FCSK: variants seen among roughly 807,000 people sequenced by gnomAD.
FCSK encodes L-fucose kinase.
Under a neutral mutation model 122.5 loss-of-function variants are expected in FCSK, and 123 were observed. The observed-to-expected ratio is 1.00, with a 90% CI of 0.87 to 1.17. The LOEUF (loss-of-function observed/expected upper bound fraction) is 1.17. Among genes scored for constraint, FCSK ranks in the 50% most tolerant of loss-of-function variants. The pLI is 0.00. For synonymous variants in FCSK, 620 were observed against 625.5 expected, an observed-to-expected ratio of 0.99 and a Z score of 0.13; for missense variants, 1,366 against 1,450.4, an observed-to-expected ratio of 0.94 and a Z score of 0.95.
At chr16:70,472,067 C>T (rs1244590000) in intron 13 of FCSK, among the ~76,000 whole-genome samples, 1 of 152,020 alleles carries the variant, frequency 6.6e-6, no homozygotes, top group African/African-American at 2.4e-5. Flanking sequence ...CCTCGGCCTC[C>T]CAAAGTGCTG....
At chr16:70,472,832 C>A in intron 14 of FCSK, 151 bp from the exon 15 acceptor site, 3 of 996,722 alleles carry the variant, frequency 3.0e-6, no homozygotes, top group East Asian at 2.7e-5. Flanking sequence ...GGAAAGGATG[C>A]CAGGCAGCCT....
intron 8 of FCSK, 38 bp downstream of exon 8, chr16:70,468,004 C>T: frequency 6.7e-7 from 1 of 1,493,316 alleles, no homozygotes; most frequent in Non-Finnish European, 9.3e-7. Flanking sequence ...GCTTTGGGGA[C>T]CTTATGGGAC....
chr16:70,469,228 C>T lies in FCSK; in HGVS notation c.860C>T (p.Pro287Leu). ...TREDFLVGRPPELGQGDADVA... is the reference protein window; with the variant it reads ...TREDFLVGRPLELGQGDADVA... Reference sequence around the variant, plus strand: ...GAGGACTTCCTGGTGGGGAGGCCCCCAGAGTTGGGGCAAGGCGATGCAGAT... The same window carrying T: ...GAGGACTTCCTGGTGGGGAGGCCCCTAGAGTTGGGGCAAGGCGATGCAGAT... The change falls in exon 10 of 24, where the codon CCA becomes CTA. Residue 287 changes from proline (P) to leucine (L), a missense_variant. Pro to Leu is a moderately conservative substitution (Grantham distance 98, BLOSUM62 -3). Transcript: ENST00000288078. 1.9e-6 allele frequency: 3 copies of T among 1,614,056 alleles called. No individual in the cohort carries two copies. Among genetic ancestry groups the T allele is most frequent in the Non-Finnish European group, 2.5e-6 (3 of 1,179,984 alleles).
In FCSK at chr16:70,463,879, A is replaced by G. The variant is rs560777309; in HGVS notation, c.234+105A>G. 212 of 1,252,986 alleles carry G rather than the reference A, an allele frequency of 1.7e-4. 1 individual carries two copies. Among genetic ancestry groups the G allele is most frequent in the Admixed American group, 9.0e-4 (36 of 39,886 alleles). The allele number at this position is 1,252,986 out of a possible 1,614,324, so 77.6% of individuals were successfully genotyped here. On this transcript the variant is annotated intron_variant, in intron 3 of 23. Transcript: ENST00000288078. ...GCTCCATCGCCTTGGCCAACTCAGC[A>G]TTGGTCTCAGTTTTTGTTTCTGTAA...
chr16:70,455,349 A>C (rs925196333), intron 1 of FCSK, among the ~76,000 whole-genome samples: 7 of 152,162 alleles, frequency 4.6e-5, no homozygotes, highest in African/African-American at 1.4e-4. Flanking sequence ...GCTGGGCGCC[A>C]AGGCTCATGC....
chr16:70,460,540 G>A (rs543220012), intron 1 of FCSK, among the ~76,000 whole-genome samples: 57 of 151,906 alleles, frequency 3.8e-4, no homozygotes, highest in African/African-American at 1.3e-3. Context: ...GAGTAGCTGG[G>A]ACTACAGGCA....
intron 20 of FCSK, 183 bp downstream of exon 20, chr16:70,475,950 A>G (rs936560082): frequency 3.6e-6 from 2 of 556,676 alleles, no homozygotes; most frequent in Non-Finnish European, 5.7e-6. Flanking sequence ...GAAATGTTCT[A>G]CCTCCCAACG....
intron 20 of FCSK, 106 bp from the exon 21 acceptor site, chr16:70,478,166 A>T: frequency 8.9e-7 from 1 of 1,117,372 alleles, no homozygotes; most frequent in Non-Finnish European, 1.3e-6. Context: ...GAGGGAAGCT[A>T]TCTTTCCACA....
In FCSK at chr16:70,473,300, G is replaced by A; in HGVS notation, c.1724G>A (p.Trp575Ter). Reference sequence around the variant, plus strand: ...GACCTCAGCCTGCGCCCGCTGATCTGGGCTGCTGTCCGCGAGGGCTGCCCC... The same window carrying A: ...GACCTCAGCCTGCGCCCGCTGATCTAGGCTGCTGTCCGCGAGGGCTGCCCC... ...RQDLSLRPLI[W>*]AAVREGCPGP... Residue 575 changes from tryptophan (W) to a stop codon, truncating the protein, a stop_gained, in exon 15 of 24, where the codon TGG (tryptophan) becomes TAG (stop). Coordinates refer to ENST00000288078, the MANE Select transcript of FCSK (RefSeq NM_145059.3). LOFTEE classifies it high-confidence loss of function. The surrounding 1 kb of genome is among the most constrained non-coding windows in gnomAD (Gnocchi z 4.9). 9 of 1,525,830 alleles carry A rather than the reference G, an allele frequency of 5.9e-6. No homozygotes were observed. Among genetic ancestry groups the A allele is most frequent in the South Asian group, 1.2e-5 (1 of 83,034 alleles). 94.5% of individuals were successfully genotyped at this position (1,525,830 alleles called of 1,614,324 possible). A position where few individuals can be genotyped will look rare whatever the true frequency, so the allele number is the denominator to read the frequency against.
At chr16:70,470,924 G>A (rs2048592125) in intron 11 of FCSK, 47 bp from the exon 12 acceptor site, 7 of 1,500,294 alleles carry the variant, frequency 4.7e-6, no homozygotes, top group Non-Finnish European at 6.3e-6. Context: ...AGCTGGGGCA[G>A]CCCTGGGCCT....
At position 70,473,406 on chromosome 16, in the gene FCSK, C is replaced by G. The variant is rs1041021553; in HGVS notation, c.1777+53C>G. 1 of 1,450,402 alleles carries G rather than the reference C, an allele frequency of 6.9e-7. No homozygotes were observed. Among genetic ancestry groups the G allele is most frequent in the Non-Finnish European group, 9.1e-7 (1 of 1,097,506 alleles). 89.8% of individuals were successfully genotyped at this position (1,450,402 alleles called of 1,614,324 possible). A position where few individuals can be genotyped will look rare whatever the true frequency, so the allele number is the denominator to read the frequency against. On this transcript the variant is annotated intron_variant, in intron 15 of 23. Transcript: ENST00000288078. This position sits in a 1 kb window ranked among gnomAD's most constrained non-coding sequence, Gnocchi z 4.9. ...GAATCAGGCCAGGGGCACCTGCCCT[C>G]CCTGTCCTCTGGGCCATCCCCTGAG...
chr16:70,469,302 C>T lies in FCSK; in HGVS notation c.934C>T (p.Arg312Cys), dbSNP rs781473969. ...CCGGGCCCAGCTGTGGAGGGAGCTT[C>T]GCGATCAGCCCCTTACCATGGGTGG... The part of the protein sequence containing the change: ...SARAQLWREL[R>C]DQPLTMAYVS... Residue 312 changes from arginine to cysteine, a missense_variant, in exon 10 of 24, where the codon CGC becomes TGC. Physicochemically the swap from Arg to Cys is radical, Grantham distance 180. Transcript: ENST00000288078. The T allele has an allele frequency of 1.5e-5, 24 of 1,605,446 alleles. No homozygotes were observed. The highest frequency in any genetic ancestry group is 7.8e-5 in the South Asian group (7 of 90,292).
Position 70,478,646 on chromosome 16 carries a change from C to T in FCSK, c.2925C>T (p.Arg975=). The T allele has an allele frequency of 6.2e-7, 1 of 1,613,226 alleles. No homozygotes were observed. The highest frequency in any genetic ancestry group is 8.5e-7 in the Non-Finnish European group (1 of 1,179,898). The part of the protein sequence containing the change: ...RQTEECAEGF[R]QGSLPLLGQC... ...CTGAGGAGTGTGCTGAAGGCTTCCG[C>T]CAAGGTGAGGGGCTTCCTCTGGGGG... The change falls in exon 22 of 24, where the codon CGC becomes CGT. Residue 975 remains arginine (R), a synonymous_variant. Coordinates refer to ENST00000288078, the MANE Select transcript of FCSK (RefSeq NM_145059.3).
At chr16:70,478,205 G>C in intron 20 of FCSK, 67 bp from the exon 21 acceptor site, 1 of 1,540,410 alleles carries the variant, frequency 6.5e-7, no homozygotes, top group Non-Finnish European at 8.9e-7. Context: ...GCAGGGCCGG[G>C]AGCCTAGGCT....
At chr16:70,469,403 C>T in intron 10 of FCSK, 80 bp downstream of exon 10, 1 of 1,380,228 alleles carries the variant, frequency 7.2e-7, no homozygotes, top group East Asian at 2.3e-5. Flanking sequence ...TCACTGCATG[C>T]TGGGCCAGGC....
At position 70,475,048 on chromosome 16, in the gene FCSK, C is replaced by T. The variant is rs761100750; in HGVS notation, c.2377+37C>T. 6.5e-6 allele frequency: 10 copies of T among 1,535,570 alleles called. No individual in the cohort carries two copies. In the Middle Eastern group the frequency reaches 8.0e-4, roughly 123 times the overall value. On this transcript the variant is annotated intron_variant, in intron 18 of 23. Transcript: ENST00000288078. ...TGGGACCTCTGCAGGTGGGGCTGGCCAGCTGGGGGCTCGGGGCAGAAGCTA... is the reference window on the plus strand; with the variant it reads ...TGGGACCTCTGCAGGTGGGGCTGGCTAGCTGGGGGCTCGGGGCAGAAGCTA...
In FCSK at chr16:70,473,662, A is replaced by G. The variant is rs2048704766; in HGVS notation, c.1777+309A>G. Reference sequence around the variant, plus strand: ...ACTGGGTGCCAGGATGTGGGTGCAGAGCGTGGCGAGGGGACAGAGCCCCCA... The same window carrying G: ...ACTGGGTGCCAGGATGTGGGTGCAGGGCGTGGCGAGGGGACAGAGCCCCCA... On this transcript the variant is annotated intron_variant, in intron 15 of 23. Coordinates refer to ENST00000288078, the MANE Select transcript of FCSK (RefSeq NM_145059.3). The surrounding 1 kb of genome is among the most constrained non-coding windows in gnomAD (Gnocchi z 4.9). Among the ~76,000 whole-genome samples the G allele has an allele frequency of 6.6e-6, 1 of 152,134 alleles. No individual in the cohort carries two copies.
intron 9 of FCSK, 29 bp downstream of exon 9, chr16:70,468,997 C>T: frequency 2.5e-6 from 4 of 1,611,322 alleles, no homozygotes; most frequent in Non-Finnish European, 3.4e-6. Flanking sequence ...CTAGGTGGGG[C>T]CTGGCTTGGG....
rs541192547 is a variant in FCSK, at chr16:70,467,150, G to A, written c.484+196G>A. The A allele has an allele frequency of 1.5e-5, 10 of 651,120 alleles. No individual in the cohort carries two copies. In the African/African-American group the frequency reaches 1.8e-4, roughly 12 times the overall value. 40.3% of individuals were successfully genotyped at this position (651,120 alleles called of 1,614,324 possible). A position where few individuals can be genotyped will look rare whatever the true frequency, so the allele number is the denominator to read the frequency against. On this transcript the variant is annotated intron_variant, in intron 6 of 23. Transcript: ENST00000288078. ...CCTCAGTCTGTCTGTCTATAGGATGGACAGAAGCAGCCCTGCCCCTTCTGT... is the reference window on the plus strand; with the variant it reads ...CCTCAGTCTGTCTGTCTATAGGATGAACAGAAGCAGCCCTGCCCCTTCTGT...
Sources: gnomAD v4.1 joint callset for allele counts (sites outside exome capture counted in the v4.1 genomes callset) on GRCh38, gnomAD v4.1.1 for gene constraint, Gnocchi (gnomAD v3.1) non-coding constraint, MANE v1.5 for transcripts, NCBI Gene and HGNC (gene_info 2026-07-23, HGNC 2026-07-21) for gene names.